Variants in PIN1 observed in about 807,000 individuals in gnomAD.
The protein encoded by PIN1 is peptidyl-prolyl cis-trans isomerase NIMA-interacting 1.
A neutral mutation model predicts 19.9 loss-of-function variants in PIN1; 8 were observed. That is an observed-to-expected ratio of 0.40 (90% CI 0.24 to 0.72). The LOEUF (loss-of-function observed/expected upper bound fraction) is 0.72. PIN1 is among the 30% of genes least tolerant of loss of function. The pLI is 0.37. For missense variants in PIN1, 185 were observed against 226.5 expected, an observed-to-expected ratio of 0.82 and a Z score of 1.18; for synonymous variants, 86 against 90.8, an observed-to-expected ratio of 0.95 and a Z score of 0.30.
In PIN1 at chr19:9,838,231, A is replaced by AATGTT; in HGVS notation, c.59-203_59-199dup. On this transcript the variant is annotated intron_variant, in intron 1 of 3. Coordinates refer to ENST00000247970, the MANE Select transcript of PIN1 (RefSeq NM_006221.4). This position sits in a 1 kb window ranked among gnomAD's most constrained non-coding sequence, Gnocchi z 5.8. ...TTAGCACCTGTCTGCTCTCACCTAGAATGTTAGCTCTCTAAGGGCAGGGAC... is the reference window on the plus strand; with the variant it reads ...TTAGCACCTGTCTGCTCTCACCTAGAATGTTATGTTAGCTCTCTAAGGGCAGGGAC... The AATGTT allele has an allele frequency of 6.3e-6, 4 of 636,414 alleles. No individual in the cohort carries two copies. The highest frequency in any genetic ancestry group is 1.1e-5 in the Non-Finnish European group (4 of 350,102). The allele number at this position is 636,414 out of a possible 1,614,324, so 39.4% of individuals were successfully genotyped here.
rs2046092331 is a variant in PIN1, at chr19:9,835,418, G to A, written c.58+16G>A. On this transcript the variant is annotated intron_variant, in intron 1 of 3. Transcript: ENST00000247970. ...CGCAGCTCAGGTGCCGCGGGGGTCG[G>A]GGCTGGGGCGGGACTGCGCGGGCCC... 1.3e-6 allele frequency: 2 copies of A among 1,490,606 alleles called. No homozygotes were observed. The highest frequency in any genetic ancestry group is 1.3e-5 in the South Asian group (1 of 79,492). The allele number at this position is 1,490,606 out of a possible 1,614,324, so 92.3% of individuals were successfully genotyped here.
At chr19:9,847,466 G>C (rs1323774706) in intron 2 of PIN1, among the ~76,000 whole-genome samples, 1 of 152,216 alleles carries the variant, frequency 6.6e-6, no homozygotes, top group African/African-American at 2.4e-5. Context: ...GTCCCTTGCA[G>C]AGCCCACCAG....
intron 1 of PIN1, chr19:9,837,814 A>G (rs1185027695): frequency 6.5e-6 from 1 of 153,796 alleles, no homozygotes; most frequent in Non-Finnish European, 1.4e-5. Context: ...TTATATTTTT[A>G]GTAGAGATGG....
chr19:9,837,456 C>T (rs930921651), intron 1 of PIN1: 1 of 149,230 alleles, frequency 6.7e-6, no homozygotes, highest in African/African-American at 2.5e-5. Context: ...GCCCAGCCAG[C>T]CTGTTGTTTT....
Position 9,846,653 on chromosome 19 carries a change from C to T in PIN1, c.272-1377C>T, listed in dbSNP as rs1202195055. Among the ~76,000 whole-genome samples, 3 of 152,116 alleles carry T rather than the reference C, an allele frequency of 2.0e-5. No homozygotes were observed. The highest frequency in any genetic ancestry group is 2.1e-4 in the South Asian group (1 of 4,826). Reference sequence around the variant, plus strand: ...AGTCCAGTGTGTTCAGCAGGTGCCACGGTTGGGTGTCCAGGCCTCCCAGCA... The same window carrying T: ...AGTCCAGTGTGTTCAGCAGGTGCCATGGTTGGGTGTCCAGGCCTCCCAGCA... On this transcript the variant is annotated intron_variant, in intron 2 of 3. Transcript: ENST00000247970. This position sits in a 1 kb window ranked among gnomAD's most constrained non-coding sequence, Gnocchi z 5.9.
intron 1 of PIN1, chr19:9,835,857 C>T: frequency 6.0e-6 from 1 of 166,094 alleles, no homozygotes; most frequent in Non-Finnish European, 1.3e-5. Flanking sequence ...GCTGAGTCTG[C>T]GACATCGCCC....
chr19:9,838,780 T>C lies in PIN1; in HGVS notation c.271+132T>C. The C allele has an allele frequency of 1.5e-6, 1 of 670,506 alleles. No individual in the cohort carries two copies. The highest frequency in any genetic ancestry group is 1.8e-5 in the South Asian group (1 of 54,554). 41.5% of individuals were successfully genotyped at this position (670,506 alleles called of 1,614,324 possible). ...GTGTTGGCCAACACAAAAACGCCAG[T>C]GCATGACCTGACCCTGACCTTCACA... On this transcript the variant is annotated intron_variant, in intron 2 of 3. Transcript: ENST00000247970. The surrounding 1 kb of genome is among the most constrained non-coding windows in gnomAD (Gnocchi z 5.8).
intron 2 of PIN1, among the ~76,000 whole-genome samples, chr19:9,843,185 A>G (rs2046185647): frequency 1.3e-5 from 2 of 152,214 alleles, no homozygotes; most frequent in Non-Finnish European, 1.5e-5. Flanking sequence ...GGCTGAGACT[A>G]TGAGCAGCTG....
At position 9,849,225 on chromosome 19, in the gene PIN1, G is replaced by T; in HGVS notation, c.*26G>T. 6.5e-7 allele frequency: 1 copy of T among 1,526,806 alleles called. No homozygotes were observed. The highest frequency in any genetic ancestry group is 9.0e-7 in the Non-Finnish European group (1 of 1,109,018). 94.6% of individuals were successfully genotyped at this position (1,526,806 alleles called of 1,614,324 possible). On this transcript the variant is annotated 3_prime_UTR_variant, in exon 4 of 4. Coordinates refer to ENST00000247970, the MANE Select transcript of PIN1 (RefSeq NM_006221.4). ...GGGTGGGGAGCCCAGGCCTGGCCTC[G>T]GGGCAGGGCAGGGCGGCTAGGCCGG...
chr19:9,845,020 G>C (rs2046205351), intron 2 of PIN1, among the ~76,000 whole-genome samples: 1 of 152,286 alleles, frequency 6.6e-6, no homozygotes, highest in Non-Finnish European at 1.5e-5. Flanking sequence ...GCAGCACCCA[G>C]GGGGAGGCAC....
At chr19:9,847,693 T>G (rs967343022) in intron 2 of PIN1, among the ~76,000 whole-genome samples, 2 of 117,866 alleles carry the variant, frequency 1.7e-5, no homozygotes, top group African/African-American at 5.2e-5. Context: ...CTCACGTGTG[T>G]GTGTGTGTGT....
At chr19:9,836,733 C>G in intron 1 of PIN1, 2 of 838,680 alleles carry the variant, frequency 2.4e-6, no homozygotes, top group Non-Finnish European at 3.4e-6. Context: ...CTCTGCAACA[C>G]CATGCACGGT....
intron 3 of PIN1, chr19:9,848,698 G>A: frequency 3.4e-6 from 1 of 297,734 alleles, no homozygotes; most frequent in Admixed American, 4.8e-5. Flanking sequence ...GTGTGCAGGT[G>A]TCTTAGTGGG....
At chr19:9,839,863 G>T (rs948577614) in intron 2 of PIN1, among the ~76,000 whole-genome samples, 3 of 152,066 alleles carry the variant, frequency 2.0e-5, no homozygotes, top group African/African-American at 4.8e-5. Context: ...AGCTGGACAT[G>T]GTGGTGCACG....
chr19:9,838,663 G>A lies in PIN1; in HGVS notation c.271+15G>A, dbSNP rs2046136231. 3 of 1,529,716 alleles carry A rather than the reference G, an allele frequency of 2.0e-6. No homozygotes were observed. The highest frequency in any genetic ancestry group is 2.0e-5 in the Admixed American group (1 of 50,896). The allele number at this position is 1,529,716 out of a possible 1,614,324, so 94.8% of individuals were successfully genotyped here. ...GCTGATCAACGGTGAGCAGGGCGAGGGCAGGGGCTTGGGAGGGGGTCTTCT... is the reference window on the plus strand; with the variant it reads ...GCTGATCAACGGTGAGCAGGGCGAGAGCAGGGGCTTGGGAGGGGGTCTTCT... On this transcript the variant is annotated intron_variant, in intron 2 of 3. Coordinates refer to ENST00000247970, the MANE Select transcript of PIN1 (RefSeq NM_006221.4). This position sits in a 1 kb window ranked among gnomAD's most constrained non-coding sequence, Gnocchi z 5.8.
rs778709813 is a variant in PIN1, at chr19:9,849,261, C to T, written c.*62C>T. On this transcript the variant is annotated 3_prime_UTR_variant, in exon 4 of 4. Coordinates refer to ENST00000247970, the MANE Select transcript of PIN1 (RefSeq NM_006221.4). The stretch of plus-strand genomic sequence containing the variant: ...GGGCGGCTAGGCCGGCCAGCTCCCC[C>T]TTGCCCGCCAGCCAGTGGCCGAACC... The T allele has an allele frequency of 1.8e-6, 2 of 1,128,352 alleles. No homozygotes were observed. The highest frequency in any genetic ancestry group is 1.9e-5 in the Admixed American group (1 of 51,408). The allele number at this position is 1,128,352 out of a possible 1,614,324, so 69.9% of individuals were successfully genotyped here. A position where few individuals can be genotyped will look rare whatever the true frequency, so the allele number is the denominator to read the frequency against.
chr19:9,839,359 T>C (rs773723694), intron 2 of PIN1, among the ~76,000 whole-genome samples: 2 of 144,270 alleles, frequency 1.4e-5, no homozygotes, highest in Non-Finnish European at 3.0e-5. Context: ...GAGGTTGCAG[T>C]GAGCCGAGAT....
intron 2 of PIN1, among the ~76,000 whole-genome samples, chr19:9,847,032 A>G (rs981118607): frequency 6.6e-6 from 1 of 151,954 alleles, no homozygotes; most frequent in Non-Finnish European, 1.5e-5. Context: ...GAGCAAGAGG[A>G]TTGGGGTAGG....
intron 2 of PIN1, among the ~76,000 whole-genome samples, chr19:9,839,477 G>A (rs895622281): frequency 6.6e-6 from 1 of 151,904 alleles, no homozygotes; most frequent in Non-Finnish European, 1.5e-5. Context: ...TCTGACCTAA[G>A]GGAGGAAGCT....
Sources: allele counts gnomAD v4.1 joint callset (sites outside exome capture counted in the v4.1 genomes callset), GRCh38; gene constraint gnomAD v4.1.1; non-coding constraint Gnocchi (gnomAD v3.1); transcripts MANE v1.5; gene names NCBI Gene and HGNC (gene_info 2026-07-23, HGNC 2026-07-21).